The following RASGEF1C variants were observed in gnomAD, a reference collection of about 807,000 sequenced individuals.
RASGEF1C encodes ras-GEF domain-containing family member 1C.
A neutral mutation model predicts 58.1 loss-of-function variants in RASGEF1C; 27 were observed. The observed-to-expected ratio is 0.46, with a 90% CI of 0.34 to 0.64. The LOEUF (loss-of-function observed/expected upper bound fraction) is 0.64. Ranked by LOEUF, RASGEF1C falls within the 30% of genes least tolerant of loss-of-function variation. The pLI is 0.01. For synonymous variants in RASGEF1C, 243 were observed against 246.3 expected, an observed-to-expected ratio of 0.99 and a Z score of 0.13; for missense variants, 502 against 605.1, an observed-to-expected ratio of 0.83 and a Z score of 1.79.
intron 1 of RASGEF1C, among the ~76,000 whole-genome samples, chr5:180,170,783 C>A (rs1000315386): frequency 3.9e-5 from 6 of 152,254 alleles, no homozygotes; most frequent in African/African-American, 1.2e-4. Flanking sequence ...GACAGCCAAA[C>A]AGGCTTCACA....
intron 6 of RASGEF1C, among the ~76,000 whole-genome samples, chr5:180,126,645 TC>T (rs1460507653): frequency 6.6e-6 from 1 of 152,196 alleles, no homozygotes; most frequent in Non-Finnish European, 1.5e-5. Context: ...TCCACCTTAT[TC>T]CCTTTCACAG....
intron 1 of RASGEF1C, among the ~76,000 whole-genome samples, chr5:180,206,076 C>T (rs948578998): frequency 9.9e-5 from 15 of 152,098 alleles, no homozygotes; most frequent in African/African-American, 3.6e-4. Context: ...CTCTCTCTTT[C>T]ACCAGTATGT....
intron 1 of RASGEF1C, among the ~76,000 whole-genome samples, 157 bp downstream of exon 1, chr5:180,208,871 G>A (rs1291561145): frequency 3.3e-5 from 5 of 149,860 alleles, no homozygotes; most frequent in East Asian, 2.0e-4. Flanking sequence ...GCGGCCGCGC[G>A]GACCCCGCCC....
intron 1 of RASGEF1C, among the ~76,000 whole-genome samples, 163 bp downstream of exon 1, chr5:180,208,865 C>G (rs1756542407): frequency 6.7e-6 from 1 of 150,286 alleles, no homozygotes; most frequent in South Asian, 2.1e-4. Flanking sequence ...GTCCCGGCGG[C>G]CGCGCGGACC....
At chr5:180,144,875 G>A in intron 1 of RASGEF1C, among the ~76,000 whole-genome samples, 1 of 151,994 alleles carries the variant, frequency 6.6e-6, no homozygotes, top group East Asian at 1.9e-4. Context: ...TACCATTCTG[G>A]GTACCTTATA....
At chr5:180,199,114 C>A (rs781094044) in intron 1 of RASGEF1C, among the ~76,000 whole-genome samples, 1 of 152,128 alleles carries the variant, frequency 6.6e-6, no homozygotes, top group Admixed American at 6.5e-5. Flanking sequence ...ACATGCAGCC[C>A]CCAGGAGTGC....
At chr5:180,105,424 T>C (rs967925536) in intron 12 of RASGEF1C, among the ~76,000 whole-genome samples, 6 of 150,280 alleles carry the variant, frequency 4.0e-5, no homozygotes, top group Non-Finnish European at 8.9e-5. Context: ...TAGCCAAGTG[T>C]GGTGGCGGGC....
In RASGEF1C at chr5:180,124,099, A is replaced by G. The variant is rs562226917; in HGVS notation, c.715-2950T>C. Among the ~76,000 whole-genome samples the G allele has an allele frequency of 5.9e-5, 9 of 152,270 alleles. No individual in the cohort carries two copies. In the East Asian group the frequency reaches 1.5e-3, roughly 26 times the overall value. ...AAGAATAACCTTGAATCAGTACACG[A>G]AAGTCATCCCTCAAAGAAAATACTC... On this transcript the variant is annotated intron_variant, in intron 6 of 13. Transcript: ENST00000361132.
intron 1 of RASGEF1C, among the ~76,000 whole-genome samples, chr5:180,151,682 C>G (rs1766747388): frequency 6.6e-6 from 1 of 151,888 alleles, no homozygotes; most frequent in Admixed American, 6.6e-5. Context: ...TCTAAAACAC[C>G]AAAAGCAATG....
intron 1 of RASGEF1C, among the ~76,000 whole-genome samples, chr5:180,199,989 TG>T (rs1177468472): frequency 1.3e-5 from 2 of 152,128 alleles, no homozygotes; most frequent in African/African-American, 4.8e-5. Flanking sequence ...GGGTCGGACG[TG>T]GTGGCTCACG....
Position 180,128,562 on chromosome 5 carries a change from G to C in RASGEF1C, c.487C>G (p.Leu163Val). ...TCTGGCCCCTGGCGCAGAGCCGCCA[G>C]CTTCTGGTGCAGAGCCTGTAGGAGC... ...HQLLQALHQK[L>V]AALRQGPEGL... Residue 163 changes from leucine (L) to valine (V), a missense_variant, in exon 5 of 14, where the codon CTG becomes GTG. Transcript: ENST00000361132. 1.2e-6 allele frequency: 2 copies of C among 1,614,108 alleles called. No homozygotes were observed. The highest frequency in any genetic ancestry group is 1.7e-6 in the Non-Finnish European group (2 of 1,180,024).
At chr5:180,170,087 A>G (rs2113309136) in intron 1 of RASGEF1C, among the ~76,000 whole-genome samples, 1 of 152,310 alleles carries the variant, frequency 6.6e-6, no homozygotes, top group Middle Eastern at 3.4e-3. Flanking sequence ...TGGGAGCTCC[A>G]CTGGGGCACC....
chr5:180,139,619 G>A lies in RASGEF1C; in HGVS notation c.-6-1561C>T, dbSNP rs555096450. Among the ~76,000 whole-genome samples, 362 of 152,314 alleles carry A rather than the reference G, an allele frequency of 2.4e-3. 6 individuals are homozygous for A. Among genetic ancestry groups the A allele is most frequent in the Non-Finnish European group, 6.9e-4 (47 of 68,028 alleles). ...CCATGGTGACAGACAGCTTATTTTC[G>A]CCTCCCTGACAATGCTGTAAGTGTT... On this transcript the variant is annotated intron_variant, in intron 1 of 13. Coordinates refer to ENST00000361132, the MANE Select transcript of RASGEF1C (RefSeq NM_175062.4).
chr5:180,200,525 G>C (rs77871238), intron 1 of RASGEF1C, among the ~76,000 whole-genome samples: 17,759 of 151,714 alleles, frequency 0.12, 1,195 homozygotes, highest in East Asian at 0.21. Flanking sequence ...GTGTTAGCCA[G>C]GATGGTCTCG....
chr5:180,141,223 G>A (rs1766574711), intron 1 of RASGEF1C, among the ~76,000 whole-genome samples: 1 of 152,092 alleles, frequency 6.6e-6, no homozygotes, highest in Admixed American at 6.6e-5. Context: ...GGCAGGGCAG[G>A]GCTGCCTCAT....
At chr5:180,147,878 T>C (rs1208272157) in intron 1 of RASGEF1C, among the ~76,000 whole-genome samples, 2 of 152,146 alleles carry the variant, frequency 1.3e-5, no homozygotes, top group Non-Finnish European at 2.9e-5. Flanking sequence ...CTATCCATTA[T>C]TGAGAGTGAG....
intron 12 of RASGEF1C, among the ~76,000 whole-genome samples, chr5:180,107,696 C>G (rs1765893794): frequency 6.6e-6 from 1 of 152,108 alleles, no homozygotes; most frequent in East Asian, 1.9e-4. Context: ...GCAATCTTTG[C>G]CTTCCAGGTT....
intron 1 of RASGEF1C, among the ~76,000 whole-genome samples, chr5:180,193,298 G>A (rs13177691): frequency 0.6 from 88,863 of 148,184 alleles, 28,114 homozygotes; most frequent in East Asian, 0.87. Flanking sequence ...CTCGTGATCC[G>A]CCTGCCTCGG....
intron 1 of RASGEF1C, among the ~76,000 whole-genome samples, chr5:180,180,726 T>C (rs570364188): frequency 6.6e-6 from 1 of 152,294 alleles, no homozygotes; most frequent in South Asian, 2.1e-4. Flanking sequence ...GTTGTGTTGT[T>C]TACCTTTTTA....
Sources: allele counts gnomAD v4.1 joint callset (sites outside exome capture counted in the v4.1 genomes callset), GRCh38; gene constraint gnomAD v4.1.1; transcripts MANE v1.5; gene names NCBI Gene and HGNC (gene_info 2026-07-23, HGNC 2026-07-21).